RAB2A: variants seen among roughly 807,000 people sequenced by gnomAD.
The protein encoded by RAB2A is RAB2A, member RAS oncogene family.
A neutral mutation model predicts 32.5 loss-of-function variants in RAB2A; 7 were observed. The observed-to-expected ratio is 0.22, with a 90% CI of 0.12 to 0.40. RAB2A has a LOEUF of 0.40. Among genes scored for constraint, RAB2A ranks in the 10% least tolerant of loss-of-function variants. RAB2A has a pLI of 1.00. For missense variants in RAB2A, 108 were observed against 260.7 expected, an observed-to-expected ratio of 0.41 and a Z score of 4.03; for synonymous variants, 79 against 85.2, an observed-to-expected ratio of 0.93 and a Z score of 0.40.
At chr8:60,577,395 A>G (rs1048242570) in intron 3 of RAB2A, among the ~76,000 whole-genome samples, 1 of 151,860 alleles carries the variant, frequency 6.6e-6, no homozygotes. Flanking sequence ...AAAGCATTCA[A>G]CTTGTGCTGT....
At chr8:60,521,096 C>T (rs906423335) in intron 1 of RAB2A, among the ~76,000 whole-genome samples, 2 of 152,220 alleles carry the variant, frequency 1.3e-5, no homozygotes, top group Non-Finnish European at 2.9e-5. Context: ...ATTACAAGCA[C>T]AAGCCACAGC....
At chr8:60,545,686 G>A (rs1251265275) in intron 1 of RAB2A, among the ~76,000 whole-genome samples, 2 of 152,130 alleles carry the variant, frequency 1.3e-5, no homozygotes, top group Non-Finnish European at 1.5e-5. Flanking sequence ...CAGTGACTCC[G>A]ACCCTGAGTA....
chr8:60,517,407 G>T (rs1159253224), intron 1 of RAB2A, among the ~76,000 whole-genome samples, 154 bp downstream of exon 1: 1 of 152,038 alleles, frequency 6.6e-6, no homozygotes, highest in Non-Finnish European at 1.5e-5. Context: ...AGCTGGTGAC[G>T]TGGGCACTGC....
intron 1 of RAB2A, among the ~76,000 whole-genome samples, chr8:60,547,223 C>G (rs1294598865): frequency 4.6e-5 from 7 of 152,110 alleles, no homozygotes; most frequent in East Asian, 1.9e-4. Context: ...GTAAGGTCAC[C>G]GATCAACAGG....
In RAB2A at chr8:60,623,354, A is replaced by C. The variant is rs1017468616; in HGVS notation, c.*2585A>C. 6.6e-6 allele frequency: 1 copy of C among 152,200 alleles called. No individual in the cohort carries two copies. Among genetic ancestry groups the C allele is most frequent in the East Asian group, 1.9e-4 (1 of 5,198 alleles). 9.4% of individuals were successfully genotyped at this position (152,200 alleles called of 1,614,324 possible). A position where few individuals can be genotyped will look rare whatever the true frequency, so the allele number is the denominator to read the frequency against. On this transcript the variant is annotated 3_prime_UTR_variant, in exon 8 of 8. Transcript: ENST00000262646. ...TATAAATCGTACCAAAATGTTTCCA[A>C]TCACTCAGAAAAACTGATTCATGTC...
intron 6 of RAB2A, among the ~76,000 whole-genome samples, chr8:60,607,419 A>C (rs192151715): frequency 1.7e-5 from 2 of 116,476 alleles, no homozygotes; most frequent in Non-Finnish European, 3.2e-5. Flanking sequence ...ACAGAGCGAG[A>C]CTCCATCTCA....
At chr8:60,593,957 T>C (rs1200724149) in intron 6 of RAB2A, among the ~76,000 whole-genome samples, 1 of 151,830 alleles carries the variant, frequency 6.6e-6, no homozygotes, top group Non-Finnish European at 1.5e-5. Flanking sequence ...ATTTTAAAAC[T>C]CTTTCAAAGC....
At chr8:60,597,125 A>G (rs932394063) in intron 6 of RAB2A, among the ~76,000 whole-genome samples, 1 of 152,062 alleles carries the variant, frequency 6.6e-6, no homozygotes, top group Non-Finnish European at 1.5e-5. Flanking sequence ...AAATCATTCT[A>G]TAAAGATACA....
chr8:60,592,180 AC>A, intron 6 of RAB2A: 1 of 337,248 alleles, frequency 3.0e-6, no homozygotes, highest in Non-Finnish European at 5.6e-6. Flanking sequence ...ATGTTTTCTT[AC>A]ATTTTTGTAC....
At chr8:60,597,898 T>G (rs1804057036) in intron 6 of RAB2A, among the ~76,000 whole-genome samples, 1 of 151,336 alleles carries the variant, frequency 6.6e-6, no homozygotes, top group Non-Finnish European at 1.5e-5. Flanking sequence ...GGGAATGCTG[T>G]GAATAGCTTT....
intron 1 of RAB2A, among the ~76,000 whole-genome samples, chr8:60,558,007 G>A (rs1807964595): frequency 6.6e-6 from 1 of 152,104 alleles, no homozygotes; most frequent in African/African-American, 2.4e-5. Context: ...CTGTACACAG[G>A]AACCATGTTG....
At chr8:60,574,414 G>T (rs1808239607) in intron 3 of RAB2A, among the ~76,000 whole-genome samples, 1 of 150,582 alleles carries the variant, frequency 6.6e-6, no homozygotes, top group Non-Finnish European at 1.5e-5. Context: ...AATGAATAGA[G>T]AATCTCATTC....
chr8:60,517,553 C>T (rs1271063489), intron 1 of RAB2A, among the ~76,000 whole-genome samples: 1 of 152,084 alleles, frequency 6.6e-6, no homozygotes, highest in Non-Finnish European at 1.5e-5. Flanking sequence ...GCAGGGCCGC[C>T]GGGGCCCGAC....
intron 3 of RAB2A, among the ~76,000 whole-genome samples, chr8:60,581,968 A>C (rs1803765576): frequency 6.8e-6 from 1 of 147,554 alleles, no homozygotes; most frequent in Non-Finnish European, 1.5e-5. Context: ...TTTTAAAGAC[A>C]CAGGGCCTCA....
chr8:60,550,493 TC>T (rs1036747361), intron 1 of RAB2A, among the ~76,000 whole-genome samples: 3 of 151,810 alleles, frequency 2.0e-5, no homozygotes, highest in Non-Finnish European at 4.4e-5. Flanking sequence ...CAAGCGATCC[TC>T]CCACCTCAGC....
At chr8:60,608,653 G>A (rs897387627) in intron 6 of RAB2A, among the ~76,000 whole-genome samples, 1 of 122,404 alleles carries the variant, frequency 8.2e-6, no homozygotes, top group Admixed American at 9.5e-5. Context: ...TTTTTTACCA[G>A]TTCTTTGTTC....
At chr8:60,582,278 T>G (rs1797949072) in intron 3 of RAB2A, among the ~76,000 whole-genome samples, 2 of 152,162 alleles carry the variant, frequency 1.3e-5, no homozygotes, top group African/African-American at 2.4e-5. Context: ...ATTTGGCTAT[T>G]TTTATAGCCC....
At chr8:60,607,829 C>T (rs1479563578) in intron 6 of RAB2A, among the ~76,000 whole-genome samples, 1 of 152,208 alleles carries the variant, frequency 6.6e-6, no homozygotes, top group African/African-American at 2.4e-5. Flanking sequence ...CCCATTTCCT[C>T]AGAGATGTTA....
At chr8:60,590,539 A>G (rs180901964) in intron 5 of RAB2A, among the ~76,000 whole-genome samples, 2 of 146,462 alleles carry the variant, frequency 1.4e-5, no homozygotes, top group South Asian at 2.1e-4. Context: ...ATATATATAT[A>G]TATTTTATAT....
Sources: gnomAD v4.1 joint callset for allele counts (sites outside exome capture counted in the v4.1 genomes callset) on GRCh38, gnomAD v4.1.1 for gene constraint, MANE v1.5 for transcripts, NCBI Gene and HGNC (gene_info 2026-07-23, HGNC 2026-07-21) for gene names.